LIMA1: variants seen among roughly 807,000 people sequenced by gnomAD.
LIMA1 encodes the protein LIM domain and actin binding 1.
A neutral mutation model predicts 62.6 loss-of-function variants in LIMA1; 52 were observed. The ratio of observed to expected loss-of-function variants is 0.83; its 90% CI spans 0.67 to 1.05. The LOEUF is 1.05. Among genes scored for constraint, LIMA1 ranks in the 50% least tolerant of loss-of-function variants. The pLI, the probability that LIMA1 is intolerant of heterozygous loss-of-function variation, is 0.00. For missense variants in LIMA1, 780 were observed against 902.2 expected, an observed-to-expected ratio of 0.86 and a Z score of 1.74; for synonymous variants, 302 against 317.8, an observed-to-expected ratio of 0.95 and a Z score of 0.53.
intron 1 of LIMA1, among the ~76,000 whole-genome samples, chr12:50,256,755 G>A (rs1942001881): frequency 6.6e-6 from 1 of 152,040 alleles, no homozygotes; most frequent in Non-Finnish European, 1.5e-5. Context: ...CCAGAGCTGG[G>A]GAAGGGCAAA....
At position 50,205,889 on chromosome 12, in the gene LIMA1, C is replaced by G. The variant is rs147306934; in HGVS notation, c.715+95G>C. 378 of 756,476 alleles carry G rather than the reference C, an allele frequency of 5.0e-4. 1 individual carries two copies. In the African/African-American group the frequency reaches 5.9e-3, roughly 12 times the overall value. 46.9% of individuals were successfully genotyped at this position (756,476 alleles called of 1,614,324 possible). On this transcript the variant is annotated intron_variant, in intron 5 of 10. Coordinates refer to ENST00000341247, the MANE Select transcript of LIMA1 (RefSeq NM_016357.5). ...GCAGACTTCCTTTTAATTTGTGCCA[C>G]TCTTCCTTTAAAAGCATTGGCTTCG...
chr12:50,223,995 G>A (rs896294262), intron 3 of LIMA1, among the ~76,000 whole-genome samples: 6 of 151,632 alleles, frequency 4.0e-5, no homozygotes, highest in Admixed American at 1.3e-4. Flanking sequence ...CCCAAATCGC[G>A]CCACTGCACT....
At chr12:50,215,389 A>ACTTT (rs1941325751) in intron 4 of LIMA1, among the ~76,000 whole-genome samples, 1 of 152,164 alleles carries the variant, frequency 6.6e-6, no homozygotes, top group African/African-American at 2.4e-5. Context: ...ACAAGAGAAA[A>ACTTT]GGGTGATGAG....
chr12:50,262,805 C>A (rs979506062), intron 1 of LIMA1, among the ~76,000 whole-genome samples: 1 of 152,058 alleles, frequency 6.6e-6, no homozygotes, highest in African/African-American at 2.4e-5. Context: ...GGCAACAGAG[C>A]AAGACTCTGA....
intron 9 of LIMA1, among the ~76,000 whole-genome samples, chr12:50,190,698 T>C: frequency 4.0e-5 from 1 of 24,770 alleles, no homozygotes; most frequent in South Asian, 3.1e-3. Context: ...TTTTTTTTTT[T>C]TTTTTTTTTT....
intron 1 of LIMA1, among the ~76,000 whole-genome samples, chr12:50,274,981 T>A (rs191689669): frequency 6.0e-4 from 92 of 152,350 alleles, no homozygotes; most frequent in Non-Finnish European, 4.4e-4. Flanking sequence ...TAAAGGATTT[T>A]AATTTTATTC....
chr12:50,181,207 T>A (rs928158203), intron 10 of LIMA1, among the ~76,000 whole-genome samples: 1 of 151,938 alleles, frequency 6.6e-6, no homozygotes, highest in Non-Finnish European at 1.5e-5. Context: ...AGGTACACTT[T>A]GGCTGCATGT....
chr12:50,193,664 A>ATT (rs1565833501), intron 8 of LIMA1, among the ~76,000 whole-genome samples: 8 of 61,762 alleles, frequency 1.3e-4, no homozygotes, highest in African/African-American at 3.2e-4. Flanking sequence ...ATATATATAT[A>ATT]TATTTTTTTT....
chr12:50,205,894 C>A, intron 5 of LIMA1, 90 bp downstream of exon 5: 1 of 829,934 alleles, frequency 1.2e-6, no homozygotes, highest in Non-Finnish European at 1.9e-6. Context: ...TGCCACTCTT[C>A]CTTTAAAAGC....
intron 1 of LIMA1, among the ~76,000 whole-genome samples, chr12:50,261,042 A>ATATATATTTTT (rs1383547189): frequency 3.7e-5 from 2 of 54,292 alleles, no homozygotes; most frequent in African/African-American, 7.2e-5. Flanking sequence ...CATCTAGTAT[A>ATATATATTTTT]TTTTTTTTTT....
chr12:50,201,047 A>C (rs1941038923), intron 6 of LIMA1, 163 bp from the exon 7 acceptor site: 2 of 1,418,554 alleles, frequency 1.4e-6, no homozygotes, highest in Non-Finnish European at 1.8e-6. Flanking sequence ...CTGACTAGTG[A>C]AATGACAAAA....
intron 4 of LIMA1, among the ~76,000 whole-genome samples, chr12:50,214,580 G>T (rs1021150957): frequency 2.0e-5 from 3 of 152,208 alleles, no homozygotes; most frequent in African/African-American, 7.2e-5. Context: ...AGGCCAAGGT[G>T]GGGGGATCAC....
intron 3 of LIMA1, among the ~76,000 whole-genome samples, chr12:50,227,013 A>G (rs1365733625): frequency 6.8e-6 from 1 of 147,638 alleles, no homozygotes; most frequent in Non-Finnish European, 1.5e-5. Context: ...TACTTTACAT[A>G]TTCTCTGTAT....
intron 4 of LIMA1, among the ~76,000 whole-genome samples, chr12:50,216,609 G>A (rs984863073): frequency 1.3e-5 from 2 of 151,942 alleles, no homozygotes; most frequent in African/African-American, 4.8e-5. Context: ...GCTGGGCGCG[G>A]TAGCACTTTG....
intron 9 of LIMA1, chr12:50,185,364 G>A: frequency 2.2e-6 from 1 of 456,212 alleles, no homozygotes; most frequent in Non-Finnish European, 4.4e-6. Flanking sequence ...AGGAGAACCT[G>A]TGAGAAAGCT....
intron 1 of LIMA1, among the ~76,000 whole-genome samples, chr12:50,257,007 C>T (rs536959560): frequency 4.6e-5 from 7 of 152,138 alleles, no homozygotes; most frequent in South Asian, 2.1e-4. Flanking sequence ...GGTTTCTCCT[C>T]TGTAAAGTTA....
At chr12:50,206,865 AAGGGC>A (rs1443459692) in intron 4 of LIMA1, among the ~76,000 whole-genome samples, 3 of 152,064 alleles carry the variant, frequency 2.0e-5, no homozygotes, top group Non-Finnish European at 4.4e-5. Context: ...TAAGCTCACT[AAGGGC>A]AGAGACCATG....
intron 2 of LIMA1, among the ~76,000 whole-genome samples, chr12:50,246,029 C>T (rs1273646233): frequency 6.6e-6 from 1 of 151,732 alleles, no homozygotes; most frequent in East Asian, 1.9e-4. Context: ...GTCAGGAGTT[C>T]AAGACCAGCC....
chr12:50,269,922 T>TAA (rs1172694068), intron 1 of LIMA1, among the ~76,000 whole-genome samples: 84 of 94,724 alleles, frequency 8.9e-4, no homozygotes, highest in East Asian at 5.6e-3. Flanking sequence ...CTCCGTCAAA[T>TAA]AAAAAAAAAA....
Sources: allele counts gnomAD v4.1 joint callset (sites outside exome capture counted in the v4.1 genomes callset), GRCh38; gene constraint gnomAD v4.1.1; transcripts MANE v1.5; gene names NCBI Gene and HGNC (gene_info 2026-07-23, HGNC 2026-07-21).